The following COL4A6 variants were observed in gnomAD, a reference collection of about 807,000 sequenced individuals.
COL4A6 encodes the protein collagen alpha-6(IV) chain.
In COL4A6, 59 loss-of-function variants were observed where a neutral mutation model predicts 126.7. The ratio of observed to expected loss-of-function variants is 0.47; its 90% CI spans 0.38 to 0.58. COL4A6 has a LOEUF of 0.58. Ranked by LOEUF, COL4A6 falls within the 20% of genes least tolerant of loss-of-function variation. The pLI is 0.00. For missense variants in COL4A6, 1,285 were observed against 1,337.3 expected, an observed-to-expected ratio of 0.96 and a Z score of 0.61; for synonymous variants, 547 against 496.6, an observed-to-expected ratio of 1.10 and a Z score of -1.35.
At chrX:108,285,869 C>T (rs1401506700) in intron 3 of COL4A6, among the ~76,000 whole-genome samples, 1 of 111,470 alleles carries the variant, frequency 9.0e-6, no homozygotes, top group Non-Finnish European at 1.9e-5. Flanking sequence ...TATGGCTAAC[C>T]AAAAGAAATT....
chrX:108,339,028 G>A (rs1184829793), intron 2 of COL4A6, among the ~76,000 whole-genome samples: 1 of 111,253 alleles, frequency 9.0e-6, no homozygotes, highest in Non-Finnish European at 1.9e-5. Flanking sequence ...CCACACACCT[G>A]CTCTCTCTCC....
At chrX:108,220,960 T>C in intron 4 of COL4A6, 2 of 313,401 alleles carry the variant, frequency 6.4e-6, no homozygotes, top group Non-Finnish European at 1.2e-5. Flanking sequence ...AAAAATTAGC[T>C]GGTGGCAGGC....
At position 108,156,914 on chromosome X, in the gene COL4A6, GCCTT is replaced by G; in HGVS notation, c.*82_*85del. The G allele has an allele frequency of 2.0e-6, 2 of 976,186 alleles. No homozygotes were observed. Among genetic ancestry groups the G allele is most frequent in the Non-Finnish European group, 2.9e-6 (2 of 700,080 alleles). The allele number at this position is 976,186 out of a possible 1,213,427, so 80.4% of individuals were successfully genotyped here. ...CAACTTGACAGGCAAAGGGGCTCAGGCCTTCCTTCTTCAGACCATTCAGGTTTGT... is the reference window on the plus strand; with the variant it reads ...CAACTTGACAGGCAAAGGGGCTCAGGCCTTCTTCAGACCATTCAGGTTTGT... On this transcript the variant is annotated 3_prime_UTR_variant, in exon 45 of 45. Coordinates refer to ENST00000334504, the MANE Select transcript of COL4A6 (RefSeq NM_033641.4).
At chrX:108,193,570 G>C in intron 17 of COL4A6, 58 bp downstream of exon 17, 1 of 936,132 alleles carries the variant, frequency 1.1e-6, no homozygotes, top group Non-Finnish European at 1.5e-6. Context: ...TAATTACAGG[G>C]GATATAGGAT....
At chrX:108,416,300 T>C (rs1437715994) in intron 2 of COL4A6, among the ~76,000 whole-genome samples, 1 of 111,808 alleles carries the variant, frequency 8.9e-6, no homozygotes, top group African/African-American at 3.2e-5. Flanking sequence ...TGGCAAGCAG[T>C]GTATGCTGAA....
In COL4A6 at chrX:108,219,686, G is replaced by A; in HGVS notation, c.324+12C>T. 1 of 1,204,067 alleles carries A rather than the reference G, an allele frequency of 8.3e-7. No individual in the cohort carries two copies. The highest frequency in any genetic ancestry group is 1.1e-6 in the Non-Finnish European group (1 of 889,018). ...AGGAGGATATGAAAAATTCATCTGT[G>A]GACACACTCACCGGAATCCCATTGA... On this transcript the variant is annotated intron_variant, in intron 5 of 44. Transcript: ENST00000334504.
chrX:108,214,997 C>T (rs1190942482), intron 5 of COL4A6, among the ~76,000 whole-genome samples: 2 of 111,298 alleles, frequency 1.8e-5, no homozygotes, highest in Non-Finnish European at 3.8e-5. Flanking sequence ...CATCAAAAGC[C>T]AATTGTGTGT....
chrX:108,257,429 C>T (rs1034957571), intron 3 of COL4A6, among the ~76,000 whole-genome samples: 1 of 111,475 alleles, frequency 9.0e-6, no homozygotes, highest in Non-Finnish European at 1.9e-5. Context: ...TGAGCCAAGG[C>T]CACGTGTCCA....
intron 7 of COL4A6, among the ~76,000 whole-genome samples, chrX:108,211,354 T>C (rs2035695555): frequency 8.9e-6 from 1 of 112,406 alleles, no homozygotes; most frequent in Admixed American, 9.4e-5. Flanking sequence ...GATTCTGGAG[T>C]AGATAAAAGG....
Position 108,438,172 on chromosome X carries a change from C to A in COL4A6, c.11+14G>T. ...TAAGAAAGAGGAGGGGAGCTCGGGG[C>A]AGCAACAGCTCACCCAGGGTGCATG... On this transcript the variant is annotated intron_variant, in intron 1 of 44. Coordinates refer to ENST00000334504, the MANE Select transcript of COL4A6 (RefSeq NM_033641.4). 8.3e-7 allele frequency: 1 copy of A among 1,206,714 alleles called. No individual in the cohort carries two copies. The highest frequency in any genetic ancestry group is 1.1e-6 in the Non-Finnish European group (1 of 893,144).
Position 108,213,816 on chromosome X carries a change from C to T in COL4A6, c.441+296G>A, listed in dbSNP as rs746655790. On this transcript the variant is annotated intron_variant, in intron 6 of 44. Coordinates refer to ENST00000334504, the MANE Select transcript of COL4A6 (RefSeq NM_033641.4). Reference sequence around the variant, plus strand: ...TGATGTGGGACCATGTCAAATAGCCCAAGTGTGTATTTTGCCATGAAATTT... The same window carrying T: ...TGATGTGGGACCATGTCAAATAGCCTAAGTGTGTATTTTGCCATGAAATTT... 6.3e-5 allele frequency: 17 copies of T among 268,925 alleles called. No homozygotes were observed. In the South Asian group the frequency reaches 8.7e-4, roughly 14 times the overall value. 22.2% of individuals were successfully genotyped at this position (268,925 alleles called of 1,213,427 possible).
At chrX:108,334,132 G>A (rs2039375720) in intron 2 of COL4A6, among the ~76,000 whole-genome samples, 1 of 111,750 alleles carries the variant, frequency 8.9e-6, no homozygotes, top group Admixed American at 9.5e-5. Context: ...TTACCACATT[G>A]CCTGACTTCA....
chrX:108,409,479 G>A (rs2041283342), intron 2 of COL4A6, among the ~76,000 whole-genome samples: 1 of 111,910 alleles, frequency 8.9e-6, no homozygotes, highest in Non-Finnish European at 1.9e-5. Flanking sequence ...AATCCTGAGA[G>A]GTGAGTACTA....
At chrX:108,165,770 TC>T (rs1230384825) in intron 37 of COL4A6, among the ~76,000 whole-genome samples, 2 of 111,902 alleles carry the variant, frequency 1.8e-5, no homozygotes, top group Admixed American at 1.9e-4. Context: ...TAGGCCAACT[TC>T]CCCCACACCA....
intron 2 of COL4A6, among the ~76,000 whole-genome samples, chrX:108,424,632 A>G (rs2064040385): frequency 8.9e-6 from 1 of 111,801 alleles, no homozygotes; most frequent in Admixed American, 9.5e-5. Flanking sequence ...TTACCATATG[A>G]TATAGTGTAT....
intron 13 of COL4A6, 40 bp downstream of exon 13, chrX:108,202,888 C>G: frequency 4.4e-6 from 5 of 1,128,423 alleles, no homozygotes; most frequent in Non-Finnish European, 6.1e-6. Flanking sequence ...TTTGTCCAAT[C>G]AGACCCTTGT....
chrX:108,207,807 T>C (rs1267318546), intron 8 of COL4A6, among the ~76,000 whole-genome samples: 2 of 111,158 alleles, frequency 1.8e-5, no homozygotes, highest in Non-Finnish European at 3.8e-5. Context: ...TACAGGCAAA[T>C]ATGACACCAT....
intron 2 of COL4A6, among the ~76,000 whole-genome samples, chrX:108,370,407 G>A (rs973657801): frequency 9.0e-6 from 1 of 111,261 alleles, no homozygotes; most frequent in Non-Finnish European, 1.9e-5. Context: ...AGGACCGGAT[G>A]GAGAAATAGG....
intron 2 of COL4A6, among the ~76,000 whole-genome samples, chrX:108,396,296 C>T (rs2040962248): frequency 9.0e-6 from 1 of 110,608 alleles, no homozygotes; most frequent in Non-Finnish European, 1.9e-5. Flanking sequence ...AACTCCGTAT[C>T]CCCCACCTCC....
Sources: allele counts gnomAD v4.1 joint callset (sites outside exome capture counted in the v4.1 genomes callset), GRCh38; gene constraint gnomAD v4.1.1; transcripts MANE v1.5; gene names NCBI Gene and HGNC (gene_info 2026-07-23, HGNC 2026-07-21).